The following PPFIA2 variants were observed in gnomAD, a reference collection of about 807,000 sequenced individuals.
The protein encoded by PPFIA2 is PPFI scaffold protein A2.
PPFIA2 carries 46 observed loss-of-function variants against 175.5 expected under a neutral mutation model. That is an observed-to-expected ratio of 0.26 (90% CI 0.21 to 0.34). The LOEUF is 0.34. Among genes scored for constraint, PPFIA2 ranks in the 10% least tolerant of loss-of-function variants. The pLI, the probability that PPFIA2 is intolerant of heterozygous loss-of-function variation, is 1.00. For missense variants in PPFIA2, 1,179 were observed against 1,506.1 expected (o/e 0.78, Z 3.60); for synonymous variants, 568 against 511.4 (o/e 1.11, Z -1.49).
At chr12:81,297,774 T>A (rs1364242145) in intron 23 of PPFIA2, among the ~76,000 whole-genome samples, 2 of 152,100 alleles carry the variant, frequency 1.3e-5, no homozygotes, top group Non-Finnish European at 1.5e-5. Context: ...CCTTAAAGAG[T>A]CTTTGATGCG....
chr12:81,456,900 C>T (rs896563289), intron 5 of PPFIA2, among the ~76,000 whole-genome samples: 3 of 151,918 alleles, frequency 2.0e-5, no homozygotes, highest in Non-Finnish European at 4.4e-5. Context: ...GCTGGACATT[C>T]CCTTGGAAAT....
rs556809066 is a variant in PPFIA2 at position 81,324,617 on chromosome 12, T to C, written c.2642+1160A>G. Reference sequence around the variant, plus strand: ...ATAAATAGTCACGAAATAGAGTATATCATTAATTGGTAGGACTAAACAAAA... The same window carrying C: ...ATAAATAGTCACGAAATAGAGTATACCATTAATTGGTAGGACTAAACAAAA... On this transcript the variant is annotated intron_variant, in intron 22 of 32. Coordinates refer to ENST00000549396, the MANE Select transcript of PPFIA2 (RefSeq NM_003625.5). 6.6e-5 allele frequency among the ~76,000 whole-genome samples: 10 copies of C among 152,080 alleles called. No individual in the cohort carries two copies. The East Asian group carries it at 1.9e-3, about 29-fold the overall frequency.
At position 81,367,267 on chromosome 12, in the gene PPFIA2, A is replaced by T. The variant is rs535131186; in HGVS notation, c.1483-97T>A. On this transcript the variant is annotated intron_variant, in intron 13 of 32. Coordinates refer to ENST00000549396, the MANE Select transcript of PPFIA2 (RefSeq NM_003625.5). Reference sequence around the variant, plus strand: ...TCTTATCACTCAAGAATCCTCTTAGATTCCTTCCTTAGTTCAGGTATTTCT... The same window carrying T: ...TCTTATCACTCAAGAATCCTCTTAGTTTCCTTCCTTAGTTCAGGTATTTCT... The T allele has an allele frequency of 8.4e-6, 7 of 835,656 alleles. No individual in the cohort carries two copies. In the Admixed American group the frequency reaches 2.2e-4, roughly 26 times the overall value. 51.8% of individuals were successfully genotyped at this position (835,656 alleles called of 1,614,324 possible).
At chr12:81,710,873 A>G (rs2077811165) in intron 3 of PPFIA2, among the ~76,000 whole-genome samples, 1 of 151,360 alleles carries the variant, frequency 6.6e-6, no homozygotes, top group African/African-American at 2.4e-5. Context: ...CACATTAGCT[A>G]TGCTCAATCT....
At chr12:81,738,936 T>C (rs1049798571) in intron 3 of PPFIA2, among the ~76,000 whole-genome samples, 1 of 151,872 alleles carries the variant, frequency 6.6e-6, no homozygotes, top group Non-Finnish European at 1.5e-5. Context: ...CTAATACTAT[T>C]ACTACTAGTA....
intron 4 of PPFIA2, among the ~76,000 whole-genome samples, chr12:81,597,016 A>G (rs2059318919): frequency 6.6e-6 from 1 of 152,004 alleles, no homozygotes; most frequent in African/African-American, 2.4e-5. Flanking sequence ...AATTCTGACC[A>G]CCTTTATTAT....
In PPFIA2 at chr12:81,353,163, G is replaced by A. The variant is rs756009648; in HGVS notation, c.1950C>T (p.Ala650=). 7.4e-6 allele frequency: 12 copies of A among 1,613,822 alleles called. No individual in the cohort carries two copies. In the Admixed American group the frequency reaches 2.0e-4, roughly 27 times the overall value. The change falls in exon 17 of 33, where the codon GCC becomes GCT. Residue 650 remains alanine (A), a synonymous_variant. Transcript: ENST00000549396. Reference sequence around the variant, plus strand: ...CATCCAATTGTTCCTGAAGCATCATGGCTAGCGTCTGGGCATCGGAATGAC... The same window carrying A: ...CATCCAATTGTTCCTGAAGCATCATAGCTAGCGTCTGGGCATCGGAATGAC... ...PSGHSDAQTL[A]MMLQEQLDAI... is the part of the protein sequence containing the mutation.
At chr12:81,722,987 A>G (rs1254059358) in intron 3 of PPFIA2, among the ~76,000 whole-genome samples, 4 of 151,140 alleles carry the variant, frequency 2.6e-5, no homozygotes, top group Non-Finnish European at 5.9e-5. Flanking sequence ...TAACACATCA[A>G]TTAGCAATAT....
At chr12:81,454,252 C>G (rs890704919) in intron 5 of PPFIA2, among the ~76,000 whole-genome samples, 6 of 151,984 alleles carry the variant, frequency 3.9e-5, no homozygotes, top group Non-Finnish European at 8.8e-5. Flanking sequence ...TAAATTTGAA[C>G]AAACTGTATT....
chr12:81,468,286 T>C (rs2056097113), intron 4 of PPFIA2, among the ~76,000 whole-genome samples: 1 of 152,168 alleles, frequency 6.6e-6, no homozygotes, highest in African/African-American at 2.4e-5. Context: ...GCCCAAAAGA[T>C]ATATTTGCTT....
At chr12:81,524,354 C>T (rs543389883) in intron 4 of PPFIA2, among the ~76,000 whole-genome samples, 86 of 152,346 alleles carry the variant, frequency 5.6e-4, no homozygotes, top group Non-Finnish European at 8.2e-4. Flanking sequence ...GATGGAGCCT[C>T]TACCCCACTG....
intron 4 of PPFIA2, among the ~76,000 whole-genome samples, chr12:81,508,903 C>T (rs533773337): frequency 6.6e-6 from 1 of 151,914 alleles, no homozygotes; most frequent in East Asian, 1.9e-4. Flanking sequence ...CACATGCACA[C>T]GTATGTTTAT....
At chr12:81,754,329 C>T (rs1041007608) in intron 2 of PPFIA2, 106 bp from the exon 3 acceptor site, 3 of 1,364,732 alleles carry the variant, frequency 2.2e-6, no homozygotes, top group Non-Finnish European at 3.0e-6. Flanking sequence ...GCCTATTTGT[C>T]TCTATTTCCC....
rs12367671 is a variant in PPFIA2 at position 81,642,658 on chromosome 12, C to G, written c.303+34133G>C. ...CTATTATATACATACATGTATGTAT[C>G]TATTATATACATACATGTATGTATC... On this transcript the variant is annotated intron_variant, in intron 4 of 32. Coordinates refer to ENST00000549396, the MANE Select transcript of PPFIA2 (RefSeq NM_003625.5). Among the ~76,000 whole-genome samples the G allele has an allele frequency of 2.2e-3, 98 of 43,568 alleles. 6 individuals carry two copies. The highest frequency in any genetic ancestry group is 7.9e-3 in the African/African-American group (93 of 11,736). The allele number at this position is 43,568 out of a possible 152,430, so 28.6% of individuals were successfully genotyped here. A position where few individuals can be genotyped will look rare whatever the true frequency, so the allele number is the denominator to read the frequency against.
At chr12:81,576,259 A>T (rs950313107) in intron 4 of PPFIA2, among the ~76,000 whole-genome samples, 6 of 151,710 alleles carry the variant, frequency 4.0e-5, no homozygotes, top group African/African-American at 1.5e-4. Flanking sequence ...ATGACTTTGG[A>T]TCTGAGATTT....
At chr12:81,362,490 T>C (rs1195156740) in intron 15 of PPFIA2, among the ~76,000 whole-genome samples, 2 of 151,522 alleles carry the variant, frequency 1.3e-5, no homozygotes, top group Non-Finnish European at 3.0e-5. Flanking sequence ...TTTAATTTTT[T>C]ATTGATTATC....
Position 81,583,017 on chromosome 12 carries a change from A to T in PPFIA2, c.303+93774T>A, listed in dbSNP as rs572104912. On this transcript the variant is annotated intron_variant, in intron 4 of 32. Transcript: ENST00000549396. ...ATATTCAGTCAGTTCAACATTACTC[A>T]TTGAAACCTTGAATTCCTTGCCTCC... Among the ~76,000 whole-genome samples, 47 of 152,030 alleles carry T rather than the reference A, an allele frequency of 3.1e-4. 1 individual carries two copies. In the East Asian group the frequency reaches 8.5e-3, roughly 28 times the overall value.
At chr12:81,571,935 ATGT>A (rs1169179186) in intron 4 of PPFIA2, among the ~76,000 whole-genome samples, 1 of 152,050 alleles carries the variant, frequency 6.6e-6, no homozygotes, top group African/African-American at 2.4e-5. Flanking sequence ...TCCAAATGAA[ATGT>A]TGTCTAATTC....
At chr12:81,751,857 T>TC (rs1271893580) in intron 3 of PPFIA2, among the ~76,000 whole-genome samples, 1 of 152,192 alleles carries the variant, frequency 6.6e-6, no homozygotes, top group East Asian at 1.9e-4. Flanking sequence ...CTCCTTTTTT[T>TC]CCTGAAGTAT....
Sources: gnomAD v4.1 joint callset for allele counts (sites outside exome capture counted in the v4.1 genomes callset) on GRCh38, gnomAD v4.1.1 for gene constraint, MANE v1.5 for transcripts, NCBI Gene and HGNC (gene_info 2026-07-23, HGNC 2026-07-21) for gene names.